Variants in KIAA1328 observed in about 807,000 individuals in gnomAD.
KIAA1328 encodes KIAA1328.
KIAA1328 carries 52 observed loss-of-function variants against 68.1 expected under a neutral mutation model. The ratio of observed to expected loss-of-function variants is 0.76; its 90% CI spans 0.61 to 0.96. The LOEUF is 0.96. KIAA1328 is among the 40% of genes least tolerant of loss of function. The pLI, the probability that KIAA1328 is intolerant of heterozygous loss-of-function variation, is 0.00. For synonymous variants in KIAA1328, 232 were observed against 239.4 expected, an observed-to-expected ratio of 0.97 and a Z score of 0.28; for missense variants, 641 against 677.6, an observed-to-expected ratio of 0.95 and a Z score of 0.60.
intron 6 of KIAA1328, among the ~76,000 whole-genome samples, chr18:37,015,562 T>C: frequency 6.6e-6 from 1 of 150,628 alleles, no homozygotes; most frequent in South Asian, 2.2e-4. Context: ...TTGGTACAAA[T>C]ACTGTCTATC....
intron 6 of KIAA1328, among the ~76,000 whole-genome samples, chr18:37,020,320 A>G (rs147863765): frequency 0.11 from 16,160 of 152,142 alleles, 1,089 homozygotes; most frequent in Non-Finnish European, 0.13. Flanking sequence ...ACAGGGTTTC[A>G]CTATGTTGGC....
intron 6 of KIAA1328, among the ~76,000 whole-genome samples, chr18:37,053,963 G>C (rs1252458323): frequency 8.1e-6 from 1 of 123,714 alleles, no homozygotes; most frequent in Admixed American, 8.0e-5. Flanking sequence ...AGATCAACAA[G>C]AAAAAAAAAA....
intron 6 of KIAA1328, among the ~76,000 whole-genome samples, chr18:37,016,637 T>C (rs2054162455): frequency 6.6e-6 from 1 of 152,178 alleles, no homozygotes; most frequent in Non-Finnish European, 1.5e-5. Context: ...ACTGATTCAA[T>C]TTCAAAACTC....
chr18:37,079,111 A>C (rs1307276958), intron 7 of KIAA1328, among the ~76,000 whole-genome samples: 122 of 145,872 alleles, frequency 8.4e-4, no homozygotes, highest in Middle Eastern at 6.8e-3. Context: ...CTGGATTAAG[A>C]AAATGTGGCA....
intron 9 of KIAA1328, among the ~76,000 whole-genome samples, 195 bp from the exon 10 acceptor site, chr18:37,221,822 T>C (rs1238787092): frequency 6.6e-6 from 1 of 152,308 alleles, no homozygotes; most frequent in East Asian, 1.9e-4. Flanking sequence ...GAAGAGCTTA[T>C]GTACAGGCAG....
chr18:37,123,773 G>C (rs896349595), intron 7 of KIAA1328, among the ~76,000 whole-genome samples: 2 of 152,016 alleles, frequency 1.3e-5, no homozygotes, highest in African/African-American at 2.4e-5. Context: ...TGGAACAACC[G>C]TTTGTACAAG....
At chr18:37,161,652 C>T (rs1413782621) in intron 8 of KIAA1328, among the ~76,000 whole-genome samples, 1 of 152,214 alleles carries the variant, frequency 6.6e-6, no homozygotes, top group Non-Finnish European at 1.5e-5. Context: ...CTTACCTCAG[C>T]TTCCTCTGTT....
chr18:37,216,319 A>G (rs906616967), intron 9 of KIAA1328, among the ~76,000 whole-genome samples: 5 of 151,968 alleles, frequency 3.3e-5, no homozygotes, highest in Admixed American at 1.3e-4. Context: ...TGCTTTAAAT[A>G]TGTCCCAGAT....
intron 7 of KIAA1328, among the ~76,000 whole-genome samples, chr18:37,113,031 G>C (rs996907550): frequency 1.3e-5 from 2 of 152,188 alleles, no homozygotes; most frequent in Non-Finnish European, 2.9e-5. Context: ...ATCTACGTTT[G>C]ACTGGTGTAC....
intron 6 of KIAA1328, among the ~76,000 whole-genome samples, chr18:37,061,497 A>T (rs941154385): frequency 5.3e-5 from 8 of 149,988 alleles, no homozygotes; most frequent in Admixed American, 1.3e-4. Context: ...TCAATGTTTT[A>T]AAAAAATTGT....
At chr18:36,941,618 A>G (rs1307880324) in intron 5 of KIAA1328, among the ~76,000 whole-genome samples, 3 of 152,198 alleles carry the variant, frequency 2.0e-5, no homozygotes, top group Non-Finnish European at 4.4e-5. Context: ...AAACATGTAT[A>G]TAAATATTAA....
intron 5 of KIAA1328, among the ~76,000 whole-genome samples, chr18:36,958,963 G>A (rs926130836): frequency 7.9e-5 from 12 of 151,528 alleles, no homozygotes; most frequent in African/African-American, 2.7e-4. Flanking sequence ...TAACTCTTAC[G>A]TTTAGATCAA....
Position 37,168,960 on chromosome 18 carries a change from G to A in KIAA1328, c.1415-4013G>A, listed in dbSNP as rs577172035. Among the ~76,000 whole-genome samples the A allele has an allele frequency of 2.1e-3, 314 of 151,870 alleles. 2 individuals are homozygous for A. The highest frequency in any genetic ancestry group is 0.017 in the Middle Eastern group (5 of 294). The stretch of plus-strand genomic sequence containing the variant: ...CATTGAACTCTAAGAAAAAAAAATT[G>A]CCGTGAAATATACCCAGTTATATCT... On this transcript the variant is annotated intron_variant, in intron 8 of 9. Transcript: ENST00000280020.
At chr18:36,893,445 G>GTGTGTGTGTGTGTGTTTT (rs2048759467) in intron 5 of KIAA1328, among the ~76,000 whole-genome samples, 1 of 138,438 alleles carries the variant, frequency 7.2e-6, no homozygotes, top group East Asian at 2.0e-4. Context: ...TTGTGTGTGT[G>GTGTGTGTGTGTGTGTTTT]TGTGTGTGTG....
At chr18:36,906,691 C>CAT (rs892094095) in intron 5 of KIAA1328, among the ~76,000 whole-genome samples, 22 of 152,002 alleles carry the variant, frequency 1.4e-4, no homozygotes, top group African/African-American at 5.3e-4. Flanking sequence ...ATAATGCACT[C>CAT]ATTTATTAAA....
intron 3 of KIAA1328, among the ~76,000 whole-genome samples, chr18:36,842,356 CAG>C (rs2046886921): frequency 6.6e-6 from 1 of 152,110 alleles, no homozygotes; most frequent in Non-Finnish European, 1.5e-5. Context: ...GTAAGGAACT[CAG>C]GGGTGACACT....
intron 9 of KIAA1328, among the ~76,000 whole-genome samples, chr18:37,176,402 A>G (rs1291494564): frequency 6.6e-6 from 1 of 152,212 alleles, no homozygotes; most frequent in East Asian, 1.9e-4. Context: ...ATGCTAACAA[A>G]ATAAATATGT....
intron 5 of KIAA1328, among the ~76,000 whole-genome samples, chr18:36,917,349 C>G (rs2049748293): frequency 6.6e-6 from 1 of 152,070 alleles, no homozygotes; most frequent in South Asian, 2.1e-4. Context: ...TCCCAAGTAT[C>G]TGGGACTACA....
At chr18:36,997,529 CA>C (rs2053437108) in intron 6 of KIAA1328, among the ~76,000 whole-genome samples, 1 of 152,166 alleles carries the variant, frequency 6.6e-6, no homozygotes, top group Admixed American at 6.5e-5. Context: ...GCCAGTAAAC[CA>C]TGGGTTGGGA....
Sources: gnomAD v4.1 joint callset for allele counts (sites outside exome capture counted in the v4.1 genomes callset) on GRCh38, gnomAD v4.1.1 for gene constraint, MANE v1.5 for transcripts, NCBI Gene and HGNC (gene_info 2026-07-23, HGNC 2026-07-21) for gene names.